The following PLEKHG1 variants were observed in gnomAD, a reference collection of about 807,000 sequenced individuals.
The protein encoded by PLEKHG1 is pleckstrin homology and RhoGEF domain containing G1.
In PLEKHG1, 44 loss-of-function variants were observed where a neutral mutation model predicts 100.8. That is an observed-to-expected ratio of 0.44 (90% CI 0.34 to 0.56). The LOEUF is 0.56. PLEKHG1 is among the 20% of genes least tolerant of loss of function. PLEKHG1 has a pLI of 0.01. For synonymous variants in PLEKHG1, 640 were observed against 662.5 expected, an observed-to-expected ratio of 0.97 and a Z score of 0.52; for missense variants, 1,545 against 1,720.9, an observed-to-expected ratio of 0.90 and a Z score of 1.81.
chr6:150,816,098 C>G (rs1287993198), intron 10 of PLEKHG1, among the ~76,000 whole-genome samples: 1 of 152,124 alleles, frequency 6.6e-6, no homozygotes, highest in East Asian at 1.9e-4. Flanking sequence ...CCCTGAGCAA[C>G]TAGACAGTCC....
chr6:150,772,477 G>C (rs2128642140), intron 3 of PLEKHG1, among the ~76,000 whole-genome samples: 1 of 152,238 alleles, frequency 6.6e-6, no homozygotes, highest in East Asian at 1.9e-4. Flanking sequence ...AAAATTAGCA[G>C]GACATGATGG....
At chr6:150,730,552 G>A (rs935524258) in intron 1 of PLEKHG1, among the ~76,000 whole-genome samples, 3 of 152,172 alleles carry the variant, frequency 2.0e-5, no homozygotes, top group African/African-American at 7.2e-5. Context: ...CTCACTTCCT[G>A]CTGTGCTGCT....
In PLEKHG1 at chr6:150,750,071, C is replaced by CAAA. The variant is rs1303835261; in HGVS notation, c.411+15987_411+15989dup. ...TGGGTGACAGAGCAAGACTCTGTCT[C>CAAA]AAAAAAAAAAGAAAATATCTACTAG... On this transcript the variant is annotated intron_variant, in intron 2 of 15. Coordinates refer to ENST00000358517, the Ensembl canonical transcript of PLEKHG1. Among the ~76,000 whole-genome samples the CAAA allele has an allele frequency of 1.0e-3, 135 of 129,906 alleles. No individual in the cohort carries two copies. In the Middle Eastern group the frequency reaches 0.016, roughly 15 times the overall value. The allele number at this position is 129,906 out of a possible 152,430, so 85.2% of individuals were successfully genotyped here. A position where few individuals can be genotyped will look rare whatever the true frequency, so the allele number is the denominator to read the frequency against.
intron 5 of PLEKHG1, among the ~76,000 whole-genome samples, chr6:150,797,118 T>C (rs1164007498): frequency 6.6e-6 from 1 of 151,856 alleles, no homozygotes; most frequent in Non-Finnish European, 1.5e-5. Context: ...ACCTCCTGAG[T>C]AGCTGTAATT....
At chr6:150,786,312 T>C in intron 3 of PLEKHG1, 78 bp from the exon 5 acceptor site, 1 of 946,002 alleles carries the variant, frequency 1.1e-6, no homozygotes, top group Non-Finnish European at 1.7e-6. Flanking sequence ...TGGAAATGTT[T>C]AAACTTTTAA....
intron 2 of PLEKHG1, among the ~76,000 whole-genome samples, chr6:150,761,614 A>G (rs917918654): frequency 9.9e-5 from 15 of 152,170 alleles, no homozygotes; most frequent in African/African-American, 3.6e-4. Flanking sequence ...GATTTCGGTA[A>G]TGATTGTCAG....
intron 1 of PLEKHG1, among the ~76,000 whole-genome samples, chr6:150,607,141 AAGG>A (rs1277147282): frequency 6.6e-6 from 1 of 152,144 alleles, no homozygotes; most frequent in Non-Finnish European, 1.5e-5. Flanking sequence ...AGTAGAAGCA[AAGG>A]AGAAGTCATT....
chr6:150,659,668 T>C (rs1301555549), intron 3 of PLEKHG1, among the ~76,000 whole-genome samples: 1 of 152,228 alleles, frequency 6.6e-6, no homozygotes, highest in Non-Finnish European at 1.5e-5. Context: ...TCCTTCTCCT[T>C]TTTAAATTAC....
At chr6:150,607,953 G>GT (rs1776671648) in intron 1 of PLEKHG1, among the ~76,000 whole-genome samples, 2 of 151,882 alleles carry the variant, frequency 1.3e-5, no homozygotes, top group African/African-American at 4.8e-5. Context: ...ATTTTTTTTT[G>GT]TAGCTGTCTA....
At chr6:150,787,167 C>G (rs980550493) in intron 4 of PLEKHG1, among the ~76,000 whole-genome samples, 1 of 151,998 alleles carries the variant, frequency 6.6e-6, no homozygotes, top group African/African-American at 2.4e-5. Flanking sequence ...ATATGTGGCA[C>G]TAGCCTAGTC....
intron 10 of PLEKHG1, 92 bp from the exon 12 acceptor site, chr6:150,818,091 A>C: frequency 1.0e-6 from 1 of 960,510 alleles, no homozygotes; most frequent in Non-Finnish European, 1.6e-6. Context: ...TTAAAAATCT[A>C]TTTATTCAGG....
At chr6:150,696,237 C>A (rs1461192714) in intron 3 of PLEKHG1, among the ~76,000 whole-genome samples, 1 of 152,162 alleles carries the variant, frequency 6.6e-6, no homozygotes, top group Non-Finnish European at 1.5e-5. Context: ...GGAAGCCTGG[C>A]AGAGGAACTC....
chr6:150,795,801 G>A, intron 4 of PLEKHG1, 55 bp from the exon 6 acceptor site: 2 of 964,608 alleles, frequency 2.1e-6, no homozygotes, highest in East Asian at 2.4e-5. Context: ...GTTTTCAAAT[G>A]AATGTTTATG....
chr6:150,815,724 C>T (rs898980649), intron 10 of PLEKHG1, among the ~76,000 whole-genome samples: 16 of 152,044 alleles, frequency 1.1e-4, no homozygotes, highest in African/African-American at 2.9e-4. Flanking sequence ...GCCACTTAGC[C>T]GAAATATTTG....
upstream of PLEKHG1, among the ~76,000 whole-genome samples, chr6:150,717,596 G>GT (rs369847131): frequency 7.4e-4 from 112 of 152,334 alleles, no homozygotes; most frequent in African/African-American, 2.7e-3. Context: ...GTTACGTCCT[G>GT]TGGGTGCTGC....
At chr6:150,614,763 A>C (rs1776994658) in intron 1 of PLEKHG1, among the ~76,000 whole-genome samples, 1 of 152,086 alleles carries the variant, frequency 6.6e-6, no homozygotes, top group South Asian at 2.1e-4. Flanking sequence ...TCTCCTGCGG[A>C]GTGGAAAAGT....
At chr6:150,703,558 G>A (rs6902743) in intron 3 of PLEKHG1, among the ~76,000 whole-genome samples, 22,610 of 150,200 alleles carry the variant, frequency 0.15, 2,388 homozygotes, top group African/African-American at 0.31. Flanking sequence ...CCAAGATTGC[G>A]CCACTGCACT....
At chr6:150,825,197 T>C (rs1003077411) in intron 14 of PLEKHG1, among the ~76,000 whole-genome samples, 4 of 152,188 alleles carry the variant, frequency 2.6e-5, no homozygotes, top group African/African-American at 9.7e-5. Flanking sequence ...ACATCCATGC[T>C]TTTTTTGTGA....
At chr6:150,742,118 C>A (rs150468300) in intron 2 of PLEKHG1, among the ~76,000 whole-genome samples, 2 of 152,174 alleles carry the variant, frequency 1.3e-5, no homozygotes, top group East Asian at 3.8e-4. Context: ...TAAAGAAATA[C>A]CTGAGACTGG....
Sources: allele counts gnomAD v4.1 joint callset (sites outside exome capture counted in the v4.1 genomes callset), GRCh38; gene constraint gnomAD v4.1.1; transcripts MANE v1.5; gene names NCBI Gene and HGNC (gene_info 2026-07-23, HGNC 2026-07-21).